PSMC6: variants seen among roughly 807,000 people sequenced by gnomAD.
PSMC6 encodes the protein proteasome 26S subunit, ATPase 6.
A neutral mutation model predicts 55.9 loss-of-function variants in PSMC6; 3 were observed. The ratio of observed to expected loss-of-function variants is 0.05; its 90% CI spans 0.02 to 0.14. PSMC6 has a LOEUF of 0.14. Among genes scored for constraint, PSMC6 ranks in the 10% least tolerant of loss-of-function variants. The probability of loss-of-function intolerance (pLI) is 1.00; values close to 1 mark genes in which losing one functional copy is unlikely to be tolerated. For missense variants in PSMC6, 210 were observed against 478.7 expected, an observed-to-expected ratio of 0.44 and a Z score of 5.24; for synonymous variants, 137 against 155.9, an observed-to-expected ratio of 0.88 and a Z score of 0.90.
chr14:52,707,357 C>G (rs1594845562), intron 1 of PSMC6, 53 bp downstream of exon 1: 1 of 1,606,648 alleles, frequency 6.2e-7, no homozygotes, highest in Non-Finnish European at 8.5e-7. Flanking sequence ...GCTTCTGCCT[C>G]TGACAAAGCA....
intron 1 of PSMC6, among the ~76,000 whole-genome samples, chr14:52,708,041 AT>A (rs1478614739): frequency 6.6e-6 from 1 of 152,216 alleles, no homozygotes; most frequent in African/African-American, 2.4e-5. Flanking sequence ...CAGGGTGTCA[AT>A]ATCTTCTAAG....
chr14:52,711,278 A>G, intron 5 of PSMC6, 110 bp downstream of exon 5: 1 of 1,313,328 alleles, frequency 7.6e-7, no homozygotes, highest in Non-Finnish European at 1.1e-6. Context: ...TTTCCCTTTT[A>G]CTAGTTTCTA....
chr14:52,717,330 A>ATTTT (rs71125121), intron 7 of PSMC6, among the ~76,000 whole-genome samples: 14 of 110,738 alleles, frequency 1.3e-4, no homozygotes, highest in South Asian at 3.0e-4. Flanking sequence ...GTACTTTGGA[A>ATTTT]TTTTTTTTTT....
chr14:52,727,313 G>T (rs1048756672), intron 13 of PSMC6, among the ~76,000 whole-genome samples, 186 bp from the exon 14 acceptor site: 1 of 152,054 alleles, frequency 6.6e-6, no homozygotes, highest in African/African-American at 2.4e-5. Flanking sequence ...ACAGGCGTGA[G>T]CCACCGCACC....
Position 52,720,866 on chromosome 14 carries a change from G to C in PSMC6, c.783G>C (p.Leu261=). The change falls in exon 11 of 14, where the codon CTG becomes CTC. Residue 261 remains leucine, a synonymous_variant. Coordinates refer to ENST00000445930, the MANE Select transcript of PSMC6 (RefSeq NM_002806.5). ...REIQRTLMEL[L]NQMDGFDTLH... ...CTGATTCTTAATATTCTTAGTTACT[G>C]AATCAAATGGATGGATTTGATACTC... 1 of 1,589,332 alleles carries C rather than the reference G, an allele frequency of 6.3e-7. No homozygotes were observed. Among genetic ancestry groups the C allele is most frequent in the Non-Finnish European group, 8.6e-7 (1 of 1,163,780 alleles).
Position 52,728,021 on chromosome 14 carries a change from A to G in PSMC6, c.*404A>G, listed in dbSNP as rs1880491697. On this transcript the variant is annotated 3_prime_UTR_variant, in exon 14 of 14. Coordinates refer to ENST00000445930, the MANE Select transcript of PSMC6 (RefSeq NM_002806.5). ...ATATATTCTTGTCTTTTCTGAGTAT[A>G]TTTACTGTGGTCCTTTAGGTTCTTT... The G allele has an allele frequency of 6.3e-6, 1 of 158,576 alleles. No individual in the cohort carries two copies. The highest frequency in any genetic ancestry group is 1.4e-5 in the Non-Finnish European group (1 of 71,900). 9.8% of individuals were successfully genotyped at this position (158,576 alleles called of 1,614,324 possible). A position where few individuals can be genotyped will look rare whatever the true frequency, so the allele number is the denominator to read the frequency against.
At chr14:52,711,820 T>A (rs1410319220) in intron 6 of PSMC6, among the ~76,000 whole-genome samples, 1 of 152,206 alleles carries the variant, frequency 6.6e-6, no homozygotes, top group Non-Finnish European at 1.5e-5. Flanking sequence ...GTTTTGATTA[T>A]CATAATAAGT....
chr14:52,708,877 GTC>G, intron 4 of PSMC6, 61 bp downstream of exon 4: 1 of 1,598,306 alleles, frequency 6.3e-7, no homozygotes, highest in South Asian at 1.1e-5. Context: ...GTAAGTTATT[GTC>G]TCTAATTCTT....
In PSMC6 at chr14:52,718,764, G is replaced by A. The variant is rs1050828772; in HGVS notation, c.716-213G>A. On this transcript the variant is annotated intron_variant, in intron 9 of 13. Transcript: ENST00000445930. ...TCACACCACTGCACTCCAGCCTGGC[G>A]ACAGAGCGAGACTCCGTCTCAATAA... is the stretch of plus-strand genomic sequence containing the variant. 4.6e-5 allele frequency: 24 copies of A among 525,186 alleles called. No homozygotes were observed. In the Middle Eastern group the frequency reaches 1.5e-3, roughly 33 times the overall value. The allele number at this position is 525,186 out of a possible 1,614,324, so 32.5% of individuals were successfully genotyped here.
chr14:52,718,506 T>C, intron 9 of PSMC6, 154 bp downstream of exon 9: 1 of 824,212 alleles, frequency 1.2e-6, no homozygotes. Context: ...TAACCTTTCA[T>C]GGCCGGGTGT....
At chr14:52,725,615 G>T (rs1430654170) in intron 13 of PSMC6, among the ~76,000 whole-genome samples, 1 of 152,166 alleles carries the variant, frequency 6.6e-6, no homozygotes, top group Non-Finnish European at 1.5e-5. Flanking sequence ...CTGTAGCCCA[G>T]ACCTGATCAT....
intron 4 of PSMC6, 47 bp from the exon 5 acceptor site, chr14:52,711,046 GAGTGTTAT>G: frequency 1.4e-6 from 1 of 695,854 alleles, no homozygotes; most frequent in Non-Finnish European, 2.2e-6. Flanking sequence ...ACTCTCGTTA[GAGTGTTAT>G]TCCGTTTTTA....
rs535463144 is a variant in PSMC6 at position 52,715,452 on chromosome 14, T to G, written c.529+1484T>G. 1.4e-4 allele frequency among the ~76,000 whole-genome samples: 21 copies of G among 152,302 alleles called. No individual in the cohort carries two copies. In the South Asian group the frequency reaches 4.3e-3, roughly 32 times the overall value. On this transcript the variant is annotated intron_variant, in intron 7 of 13. Coordinates refer to ENST00000445930, the MANE Select transcript of PSMC6 (RefSeq NM_002806.5). ...TTACTCAAGACTGGTTTTTGGTTATTTGGCGCACATTTTTTCCAAAGCGAA... is the reference window on the plus strand; with the variant it reads ...TTACTCAAGACTGGTTTTTGGTTATGTGGCGCACATTTTTTCCAAAGCGAA...
chr14:52,723,239 C>G (rs1255545922), intron 12 of PSMC6: 1 of 152,214 alleles, frequency 6.6e-6, no homozygotes, highest in African/African-American at 2.4e-5. Context: ...GAACGACATG[C>G]CCTATATTGC....
At chr14:52,711,582 A>T in intron 6 of PSMC6, 58 bp downstream of exon 6, 1 of 1,198,012 alleles carries the variant, frequency 8.3e-7, no homozygotes, top group Non-Finnish European at 1.2e-6. Flanking sequence ...TAGTTTTAGG[A>T]TTCTTAACAG....
intron 4 of PSMC6, chr14:52,709,479 C>T (rs2041741872): frequency 8.0e-6 from 3 of 374,772 alleles, no homozygotes; most frequent in Non-Finnish European, 1.6e-5. Context: ...CTATAAATCT[C>T]CTATTAGGAT....
chr14:52,721,785 A>C (rs2041893453), intron 12 of PSMC6: 1 of 152,692 alleles, frequency 6.5e-6, no homozygotes, highest in Non-Finnish European at 1.5e-5. Flanking sequence ...TTTATTTTTT[A>C]GAGACAGGGT....
At chr14:52,708,457 G>C (rs760478873) in intron 2 of PSMC6, 26 bp from the exon 3 acceptor site, 2 of 1,613,838 alleles carry the variant, frequency 1.2e-6, no homozygotes, top group Admixed American at 3.3e-5. Flanking sequence ...TTGCCAAAAA[G>C]TAATGCTTTT....
chr14:52,724,579 C>T (rs1300707789), intron 13 of PSMC6, among the ~76,000 whole-genome samples: 1 of 152,122 alleles, frequency 6.6e-6, no homozygotes, highest in African/African-American at 2.4e-5. Flanking sequence ...AGTCTGTGAG[C>T]AGTGTTTTGA....
Sources: allele counts gnomAD v4.1 joint callset (sites outside exome capture counted in the v4.1 genomes callset), GRCh38; gene constraint gnomAD v4.1.1; transcripts MANE v1.5; gene names NCBI Gene and HGNC (gene_info 2026-07-23, HGNC 2026-07-21).